The following PREP variants were observed in gnomAD, a reference collection of about 807,000 sequenced individuals.
PREP encodes prolyl endopeptidase, also known as dJ355L5.1 (prolyl endopeptidase).
A neutral mutation model predicts 87.6 loss-of-function variants in PREP; 29 were observed. The ratio of observed to expected loss-of-function variants is 0.33; its 90% CI spans 0.25 to 0.45. The LOEUF (loss-of-function observed/expected upper bound fraction) is 0.45, where lower values mean the gene tolerates loss of function less well. PREP is among the 20% of genes least tolerant of loss of function. The pLI is 1.00. For synonymous variants in PREP, 337 were observed against 328.6 expected (o/e 1.03, Z -0.28); for missense variants, 695 against 886.5 (o/e 0.78, Z 2.74).
At chr6:105,296,802 ATTGCCTCC>A (rs1770421249) in intron 10 of PREP, among the ~76,000 whole-genome samples, 2 of 152,004 alleles carry the variant, frequency 1.3e-5, no homozygotes, top group South Asian at 4.2e-4. Flanking sequence ...TTGATCCATT[ATTGCCTCC>A]TCTTCCTTCT....
At chr6:105,345,663 C>A (rs1771777070) in intron 7 of PREP, among the ~76,000 whole-genome samples, 2 of 152,202 alleles carry the variant, frequency 1.3e-5, no homozygotes, top group African/African-American at 4.8e-5. Flanking sequence ...GGCGCATGGG[C>A]TGCTGTTGTC....
In PREP at chr6:105,276,261, C is replaced by T. The variant is rs917515157; in HGVS notation, c.*1883G>A. Among the ~76,000 whole-genome samples, 3 of 152,234 alleles carry T rather than the reference C, an allele frequency of 2.0e-5. No individual in the cohort carries two copies. The highest frequency in any genetic ancestry group is 2.9e-5 in the Non-Finnish European group (2 of 68,046). On this transcript the variant is annotated 3_prime_UTR_variant, in exon 15 of 15. Coordinates refer to ENST00000652536, the MANE Select transcript of PREP (RefSeq NM_002726.5). The stretch of plus-strand genomic sequence containing the variant: ...GGCCAATCATGCTAGGCATTAAAAA[C>T]GTATTACTGTATTCCTCCTCCTCCT...
intron 7 of PREP, among the ~76,000 whole-genome samples, chr6:105,352,141 A>G (rs995649810): frequency 1.3e-5 from 2 of 152,210 alleles, no homozygotes; most frequent in African/African-American, 4.8e-5. Context: ...AACCCTCTCT[A>G]AAATATTATT....
chr6:105,386,330 G>T (rs1772994307), intron 2 of PREP, among the ~76,000 whole-genome samples: 1 of 152,182 alleles, frequency 6.6e-6, no homozygotes. Flanking sequence ...AAAGAGACAA[G>T]TTAGGAAGTT....
intron 10 of PREP, among the ~76,000 whole-genome samples, chr6:105,289,321 C>G (rs1187486602): frequency 6.6e-6 from 1 of 152,204 alleles, no homozygotes; most frequent in East Asian, 1.9e-4. Context: ...TGCCAAGCAA[C>G]TCAACCTAGT....
intron 6 of PREP, among the ~76,000 whole-genome samples, chr6:105,366,396 A>G (rs1372556137): frequency 6.6e-6 from 1 of 152,250 alleles, no homozygotes; most frequent in Non-Finnish European, 1.5e-5. Flanking sequence ...AGGCAGTTCC[A>G]GCATGGACTT....
In PREP at chr6:105,288,711, T is replaced by C. The variant is rs557109091; in HGVS notation, c.1454+47A>G. On this transcript the variant is annotated intron_variant, in intron 11 of 14. Coordinates refer to ENST00000652536, the MANE Select transcript of PREP (RefSeq NM_002726.5). The stretch of plus-strand genomic sequence containing the variant: ...AGAGCACTCTGGTTTGTTTCCACTA[T>C]ATGGAAAAGATAAAATACTGGCACT... The C allele has an allele frequency of 1.3e-5, 21 of 1,605,088 alleles. No homozygotes were observed. In the East Asian group the frequency reaches 4.7e-4, roughly 36 times the overall value.
In PREP at chr6:105,278,581, T is replaced by C. The variant is rs879224260; in HGVS notation, c.1839-143A>G. ...CATGGACTGTGCCTATGCGTTACCATTTAGGCCATGACTGGCAAGGGCTCC... is the reference window on the plus strand; with the variant it reads ...CATGGACTGTGCCTATGCGTTACCACTTAGGCCATGACTGGCAAGGGCTCC... On this transcript the variant is annotated intron_variant, in intron 14 of 14. Transcript: ENST00000652536. The surrounding 1 kb of genome is among the most constrained non-coding windows in gnomAD (Gnocchi z 4.2). 8.1e-6 allele frequency: 7 copies of C among 863,614 alleles called. No homozygotes were observed. The South Asian group carries it at 1.1e-4, about 14-fold the overall frequency. The allele number at this position is 863,614 out of a possible 1,614,324, so 53.5% of individuals were successfully genotyped here.
At chr6:105,289,991 T>C (rs73512061) in intron 10 of PREP, among the ~76,000 whole-genome samples, 2,329 of 152,120 alleles carry the variant, frequency 0.015, 56 homozygotes, top group African/African-American at 0.054. Flanking sequence ...GATTTAGAGA[T>C]AGGAGTTATA....
chr6:105,333,162 TTGGA>T, intron 8 of PREP, 148 bp downstream of exon 8: 1 of 678,192 alleles, frequency 1.5e-6, no homozygotes, highest in East Asian at 2.7e-5. Flanking sequence ...CAATGAAAAC[TTGGA>T]TGAACTATTT....
intron 12 of PREP, among the ~76,000 whole-genome samples, chr6:105,285,223 TA>T (rs748163359): frequency 6.6e-6 from 1 of 152,204 alleles, no homozygotes; most frequent in African/African-American, 2.4e-5. Context: ...TATGAGTTGT[TA>T]AAAAACCCCA....
rs1554203288 is a variant in PREP at position 105,277,201 on chromosome 6, C to CTAT, written c.*940_*942dup. Among the ~76,000 whole-genome samples the CTAT allele has an allele frequency of 2.8e-5, 4 of 142,746 alleles. No individual in the cohort carries two copies. The highest frequency in any genetic ancestry group is 5.3e-5 in the African/African-American group (2 of 37,412). 93.6% of individuals were successfully genotyped at this position (142,746 alleles called of 152,430 possible). On this transcript the variant is annotated 3_prime_UTR_variant, in exon 15 of 15. Coordinates refer to ENST00000652536, the MANE Select transcript of PREP (RefSeq NM_002726.5). ...TTCCAGTAAGTAAGTATGACTATTT[C>CTAT]TATTTCCAGGAGTGATCTATGCAGG... is the stretch of plus-strand genomic sequence containing the variant.
chr6:105,282,612 A>G, intron 12 of PREP, 30 bp from the exon 13 acceptor site: 1 of 1,602,448 alleles, frequency 6.2e-7, no homozygotes, highest in Non-Finnish European at 8.5e-7. Flanking sequence ...AAGATAGTTA[A>G]TTAACAAAAC....
intron 10 of PREP, among the ~76,000 whole-genome samples, chr6:105,311,412 C>A (rs1337431846): frequency 1.3e-5 from 2 of 152,164 alleles, no homozygotes; most frequent in Non-Finnish European, 2.9e-5. Context: ...GTTCTCAGGG[C>A]CTTTGCTTTA....
intron 7 of PREP, among the ~76,000 whole-genome samples, chr6:105,345,888 C>G (rs559307319): frequency 2.6e-5 from 4 of 152,304 alleles, no homozygotes; most frequent in Admixed American, 2.6e-4. Context: ...GAACCTGACA[C>G]ACAGGAAATG....
At chr6:105,400,021 A>G (rs1773383858) in intron 1 of PREP, among the ~76,000 whole-genome samples, 1 of 152,192 alleles carries the variant, frequency 6.6e-6, no homozygotes, top group East Asian at 1.9e-4. Context: ...CAGCAGATGG[A>G]AGTTATTGAT....
chr6:105,387,842 T>C (rs1488955388), intron 2 of PREP, among the ~76,000 whole-genome samples: 1 of 152,300 alleles, frequency 6.6e-6, no homozygotes, highest in East Asian at 1.9e-4. Flanking sequence ...TCAAGTGGCA[T>C]GCCCATCTTC....
At chr6:105,347,810 C>T (rs1342276828) in intron 7 of PREP, among the ~76,000 whole-genome samples, 10 of 151,876 alleles carry the variant, frequency 6.6e-5, no homozygotes, top group East Asian at 1.9e-4. Context: ...CCCACGTGTT[C>T]GAAACCAGCC....
intron 10 of PREP, among the ~76,000 whole-genome samples, chr6:105,300,680 A>C (rs1770515860): frequency 6.6e-6 from 1 of 152,194 alleles, no homozygotes; most frequent in African/African-American, 2.4e-5. Context: ...CATAAGTCTA[A>C]AGTTTCAGAA....
Sources: allele counts gnomAD v4.1 joint callset (sites outside exome capture counted in the v4.1 genomes callset), GRCh38; gene constraint gnomAD v4.1.1; non-coding constraint Gnocchi (gnomAD v3.1); transcripts MANE v1.5; gene names NCBI Gene and HGNC (gene_info 2026-07-23, HGNC 2026-07-21).